The following PLXNA4 variants were observed in gnomAD, a reference collection of about 807,000 sequenced individuals.
PLXNA4 encodes the protein plexin A4, also known as plexin-A4.
PLXNA4 carries 44 observed loss-of-function variants against 191.8 expected under a neutral mutation model. The ratio of observed to expected loss-of-function variants is 0.23; its 90% CI spans 0.18 to 0.29. PLXNA4 has a LOEUF of 0.29. PLXNA4 is among the 10% of genes least tolerant of loss of function. The pLI is 1.00. For missense variants in PLXNA4, 1,800 were observed against 2,488.8 expected (o/e 0.72, Z 5.89); for synonymous variants, 1,082 against 1,009.5 (o/e 1.07, Z -1.36).
At chr7:132,540,425 CA>C (rs955723480) in intron 1 of PLXNA4, among the ~76,000 whole-genome samples, 14 of 152,258 alleles carry the variant, frequency 9.2e-5, no homozygotes, top group African/African-American at 3.4e-4. Flanking sequence ...CACCCCTTCC[CA>C]AACCTGGGCT....
intron 1 of PLXNA4, among the ~76,000 whole-genome samples, chr7:132,542,031 TA>T (rs369682368): frequency 6.6e-6 from 1 of 152,132 alleles, no homozygotes; most frequent in East Asian, 1.9e-4. Flanking sequence ...AGAGGTGCTT[TA>T]AAAAAAATGA....
In PLXNA4 at chr7:132,420,848, C is replaced by CTCTCT. The variant is rs369936448; in HGVS notation, c.1371+68439_1371+68443dup. Among the ~76,000 whole-genome samples the CTCTCT allele has an allele frequency of 2.6e-5, 4 of 152,320 alleles. No homozygotes were observed. The South Asian group carries it at 6.2e-4, about 24-fold the overall frequency. On this transcript the variant is annotated intron_variant, in intron 3 of 31. Coordinates refer to ENST00000321063, the MANE Select transcript of PLXNA4 (RefSeq NM_020911.2). ...AAAAACAGGAGTTTCCCTGCATGCA[C>CTCTCT]TCTCTTCTCTTCTCTTGTCTGCCAC...
At chr7:132,140,833 A>G in intron 29 of PLXNA4, 22 bp from the exon 30 acceptor site, 1 of 1,613,140 alleles carries the variant, frequency 6.2e-7, no homozygotes, top group Non-Finnish European at 8.5e-7. Context: ...GAAGAGGCAG[A>G]TGGTCAGGAA....
At chr7:132,607,453 G>A (rs902013374) in intron 2 of PLXNA4, among the ~76,000 whole-genome samples, 3 of 152,188 alleles carry the variant, frequency 2.0e-5, no homozygotes, top group Non-Finnish European at 2.9e-5. Context: ...AATCCATACT[G>A]AGCAGATGAG....
intron 2 of PLXNA4, among the ~76,000 whole-genome samples, chr7:132,632,235 C>CAAAAAAAAAAAAAAAAAAAAAAAAAAA (rs398006359): frequency 1.3e-5 from 1 of 78,662 alleles, no homozygotes; most frequent in Non-Finnish European, 2.5e-5. Flanking sequence ...GACTCCATCT[C>CAAAAAAAAAAAAAAAAAAAAAAAAAAA]AAAAAAAAAA....
intron 3 of PLXNA4, among the ~76,000 whole-genome samples, chr7:132,425,141 G>A (rs967921496): frequency 6.6e-6 from 1 of 152,218 alleles, no homozygotes; most frequent in Non-Finnish European, 1.5e-5. Flanking sequence ...TCTCCTTGGA[G>A]GCTCAGGCCA....
rs192209191 is a variant in PLXNA4, at chr7:132,471,315, A to G, written c.1371+17977T>C. ...AGTATCCAGCCTCAGGTATTTCTTT[A>G]TAGCAATGCAAGAACGGTGTAATAC... is the stretch of plus-strand genomic sequence containing the variant. On this transcript the variant is annotated intron_variant, in intron 3 of 31. Coordinates refer to ENST00000321063, the MANE Select transcript of PLXNA4 (RefSeq NM_020911.2). 2.6e-5 allele frequency among the ~76,000 whole-genome samples: 4 copies of G among 152,298 alleles called. 1 individual carries two copies. Among genetic ancestry groups the G allele is most frequent in the Admixed American group, 2.0e-4 (3 of 15,302 alleles).
At position 132,160,114 on chromosome 7, in the gene PLXNA4, GAC is replaced by G. The variant is rs542960684; in HGVS notation, c.4501-484_4501-483del. 3.9e-5 allele frequency among the ~76,000 whole-genome samples: 6 copies of G among 151,948 alleles called. No homozygotes were observed. The East Asian group carries it at 1.2e-3, about 29-fold the overall frequency. On this transcript the variant is annotated intron_variant, in intron 24 of 31. Transcript: ENST00000321063. ...GTCTCCTTCTTGTCACTCCTTCTTG[GAC>G]ACACACACACAGAACTAATAGGAAT...
intron 3 of PLXNA4, among the ~76,000 whole-genome samples, chr7:132,327,580 T>A (rs1034537526): frequency 6.6e-6 from 1 of 152,166 alleles, no homozygotes; most frequent in Non-Finnish European, 1.5e-5. Flanking sequence ...GTCACCCTTA[T>A]AACACCAAGG....
chr7:132,153,193 G>A (rs1304705480), intron 25 of PLXNA4, among the ~76,000 whole-genome samples: 1 of 152,166 alleles, frequency 6.6e-6, no homozygotes, highest in African/African-American at 2.4e-5. Flanking sequence ...CTGGCCAGGG[G>A]GACAAGTGTT....
At chr7:132,189,700 T>G (rs1049574619) in intron 14 of PLXNA4, among the ~76,000 whole-genome samples, 2 of 152,084 alleles carry the variant, frequency 1.3e-5, no homozygotes, top group Non-Finnish European at 1.5e-5. Flanking sequence ...GCCTGGTAGA[T>G]GAGAAGGCCA....
chr7:132,550,329 T>C (rs1403801034), intron 1 of PLXNA4, among the ~76,000 whole-genome samples: 3 of 152,194 alleles, frequency 2.0e-5, no homozygotes, highest in African/African-American at 7.2e-5. Flanking sequence ...GGCTACCTTT[T>C]GAAGAAGTGT....
chr7:132,234,040 G>A (rs919494045), intron 5 of PLXNA4, among the ~76,000 whole-genome samples: 1 of 152,258 alleles, frequency 6.6e-6, no homozygotes, highest in East Asian at 1.9e-4. Context: ...CTAAGGTTGA[G>A]GAGAGGTTAG....
intron 3 of PLXNA4, among the ~76,000 whole-genome samples, chr7:132,478,796 A>C (rs1207096850): frequency 1.3e-5 from 2 of 152,118 alleles, no homozygotes; most frequent in Admixed American, 6.5e-5. Flanking sequence ...TCTCAGGTCC[A>C]ACAATACCTG....
intron 30 of PLXNA4, among the ~76,000 whole-genome samples, chr7:132,135,502 G>A (rs557556773): frequency 8.5e-5 from 13 of 152,262 alleles, no homozygotes; most frequent in Admixed American, 3.9e-4. Flanking sequence ...TATAGTCCCC[G>A]AGGTGTAAGG....
chr7:132,201,588 C>T (rs545051541), intron 12 of PLXNA4, among the ~76,000 whole-genome samples: 8 of 152,284 alleles, frequency 5.3e-5, no homozygotes, highest in Admixed American at 1.3e-4. Context: ...GACCAGCATC[C>T]GCAGTGGTAA....
rs77787603 is a variant in PLXNA4, at chr7:132,566,101, G to A, written c.-87+10321C>T. ...CCAGTGCAATGCTTTATGAATGGGC[G>A]TCAGGGGAATTTTGTTAGTGTGTGT... is the stretch of plus-strand genomic sequence containing the variant. On this transcript the variant is annotated intron_variant, in intron 1 of 31. Coordinates refer to ENST00000321063, the MANE Select transcript of PLXNA4 (RefSeq NM_020911.2). Among the ~76,000 whole-genome samples, 365 of 152,260 alleles carry A rather than the reference G, an allele frequency of 2.4e-3. 3 individuals carry two copies. Among genetic ancestry groups the A allele is most frequent in the African/African-American group, 8.3e-3 (343 of 41,544 alleles).
At position 132,146,567 on chromosome 7, in the gene PLXNA4, C is replaced by T. The variant is rs772516958; in HGVS notation, c.4998G>A (p.Gly1666=). 6.2e-7 allele frequency: 1 copy of T among 1,614,148 alleles called. No individual in the cohort carries two copies. Among genetic ancestry groups the T allele is most frequent in the South Asian group, 1.1e-5 (1 of 91,074 alleles). The change falls in exon 28 of 32, where the codon GGG becomes GGA. Residue 1666 remains glycine, a synonymous_variant. Transcript: ENST00000321063. ...KNHEHGDQKE[G]DRGSKMVSEI... ...CAGACACCATCTTGCTCCCCCGGTC[C>T]CCCTCCTTCTGGTCTCCGTGCTCGT... is the stretch of plus-strand genomic sequence containing the variant.
chr7:132,330,683 G>C (rs187027691), intron 3 of PLXNA4, among the ~76,000 whole-genome samples: 13 of 152,150 alleles, frequency 8.5e-5, no homozygotes, highest in African/African-American at 3.1e-4. Context: ...GCTGGTCAAT[G>C]GCTGAGTGTC....
Sources: allele counts gnomAD v4.1 joint callset (sites outside exome capture counted in the v4.1 genomes callset), GRCh38; gene constraint gnomAD v4.1.1; transcripts MANE v1.5; gene names NCBI Gene and HGNC (gene_info 2026-07-23, HGNC 2026-07-21).